The following FOXN3 variants were observed in gnomAD, a reference collection of about 807,000 sequenced individuals.
FOXN3 encodes the protein forkhead box protein N3.
Under a neutral mutation model 38.4 loss-of-function variants are expected in FOXN3, and 7 were observed. The observed-to-expected ratio is 0.18, with a 90% CI of 0.10 to 0.34. The LOEUF (loss-of-function observed/expected upper bound fraction) is 0.34, where lower values mean the gene tolerates loss of function less well. FOXN3 is among the 10% of genes least tolerant of loss of function. The pLI, the probability that FOXN3 is intolerant of heterozygous loss-of-function variation, is 1.00. For missense variants in FOXN3, 456 were observed against 613.4 expected (o/e 0.74, Z 2.71); for synonymous variants, 230 against 242.2 (o/e 0.95, Z 0.47).
At chr14:89,212,376 T>C (rs1050324098) in intron 4 of FOXN3, among the ~76,000 whole-genome samples, 16 of 152,186 alleles carry the variant, frequency 1.1e-4, no homozygotes, top group Non-Finnish European at 2.4e-4. Flanking sequence ...GGGGGTAAAT[T>C]CAGTTCTGCC....
chr14:89,511,899 C>G (rs1439857756), intron 1 of FOXN3, among the ~76,000 whole-genome samples: 2 of 152,110 alleles, frequency 1.3e-5, no homozygotes, highest in African/African-American at 2.4e-5. Flanking sequence ...CTTATAAAAC[C>G]ATCAGATCTC....
chr14:89,459,716 T>C (rs1380944413), intron 1 of FOXN3, among the ~76,000 whole-genome samples: 1 of 152,164 alleles, frequency 6.6e-6, no homozygotes, highest in Non-Finnish European at 1.5e-5. Context: ...TGGCTTCCCC[T>C]GTCTTTGTGA....
intron 2 of FOXN3, among the ~76,000 whole-genome samples, chr14:89,384,877 A>G (rs1025169507): frequency 2.0e-5 from 3 of 152,184 alleles, no homozygotes; most frequent in Non-Finnish European, 4.4e-5. Flanking sequence ...TGGCTCTCTG[A>G]ACTGGAGCTA....
intron 1 of FOXN3, among the ~76,000 whole-genome samples, chr14:89,458,077 T>TGTC (rs1892765264): frequency 6.7e-6 from 1 of 149,920 alleles, no homozygotes; most frequent in Admixed American, 6.6e-5. Context: ...GAGAGTGCTG[T>TGTC]GTCTCACCTG....
intron 1 of FOXN3, among the ~76,000 whole-genome samples, chr14:89,596,606 G>A (rs1213841270): frequency 6.6e-6 from 1 of 152,012 alleles, no homozygotes; most frequent in African/African-American, 2.4e-5. Flanking sequence ...GAAAATATGT[G>A]TTATTTCTTC....
intron 1 of FOXN3, among the ~76,000 whole-genome samples, chr14:89,574,120 C>A (rs1895550063): frequency 6.6e-6 from 1 of 152,176 alleles, no homozygotes; most frequent in Admixed American, 6.5e-5. Context: ...AGGGAATTAT[C>A]TCCATGGCCA....
In FOXN3 at chr14:89,204,834, T is replaced by TCATG. The variant is rs998669509; in HGVS notation, c.746-24032_746-24029dup. On this transcript the variant is annotated intron_variant, in intron 4 of 5. Coordinates refer to ENST00000557258, the MANE Select transcript of FOXN3 (RefSeq NM_005197.4). ...TCCATCCATCCATCCATCCATGCAT[T>TCATG]CATGCATCCATCCATCCATCCATCC... 1.3e-4 allele frequency among the ~76,000 whole-genome samples: 19 copies of TCATG among 145,098 alleles called. No individual in the cohort carries two copies. In the South Asian group the frequency reaches 3.6e-3, roughly 28 times the overall value.
chr14:89,610,780 T>G (rs146243162), intron 1 of FOXN3, among the ~76,000 whole-genome samples: 100 of 152,362 alleles, frequency 6.6e-4, no homozygotes, highest in African/African-American at 2.2e-3. Context: ...GTTCCTGGTA[T>G]GCAGTAGGTG....
chr14:89,384,225 C>T (rs1292616245), intron 2 of FOXN3, among the ~76,000 whole-genome samples: 2 of 152,238 alleles, frequency 1.3e-5, no homozygotes, highest in African/African-American at 2.4e-5. Context: ...CTGTGGCCAG[C>T]GATGGATGGC....
At chr14:89,343,049 T>C (rs1888658832) in intron 3 of FOXN3, among the ~76,000 whole-genome samples, 1 of 152,200 alleles carries the variant, frequency 6.6e-6, no homozygotes, top group Non-Finnish European at 1.5e-5. Context: ...CAATGTAAGT[T>C]AAAACTGATT....
chr14:89,342,327 G>T (rs1168140414), intron 3 of FOXN3, among the ~76,000 whole-genome samples: 1 of 152,176 alleles, frequency 6.6e-6, no homozygotes, highest in East Asian at 1.9e-4. Context: ...GATACAAAGT[G>T]CTCAAAGATA....
At chr14:89,408,175 C>A (rs1167581589) in intron 2 of FOXN3, among the ~76,000 whole-genome samples, 2 of 152,166 alleles carry the variant, frequency 1.3e-5, no homozygotes, top group Admixed American at 6.5e-5. Flanking sequence ...TGGCTCCATG[C>A]TGGAAACACC....
In FOXN3 at chr14:89,322,569, T is replaced by C. The variant is rs145511130; in HGVS notation, c.680+28103A>G. Reference sequence around the variant, plus strand: ...AGAACAGAGAAAAGAGGGAGCAACATGGTGGCATAGTCAAAAAATGAAGGA... The same window carrying C: ...AGAACAGAGAAAAGAGGGAGCAACACGGTGGCATAGTCAAAAAATGAAGGA... On this transcript the variant is annotated intron_variant, in intron 3 of 5. Transcript: ENST00000557258. 2.8e-3 allele frequency among the ~76,000 whole-genome samples: 422 copies of C among 152,070 alleles called. 2 individuals are homozygous for C. Among genetic ancestry groups the C allele is most frequent in the African/African-American group, 7.8e-3 (324 of 41,500 alleles).
At chr14:89,597,247 T>C (rs1371464007) in intron 1 of FOXN3, among the ~76,000 whole-genome samples, 5 of 152,186 alleles carry the variant, frequency 3.3e-5, no homozygotes, top group African/African-American at 4.8e-5. Flanking sequence ...TCTAAACATA[T>C]GGGGATTTTT....
intron 1 of FOXN3, among the ~76,000 whole-genome samples, chr14:89,536,949 A>T (rs561200379): frequency 1.8e-4 from 27 of 152,290 alleles, no homozygotes; most frequent in African/African-American, 6.5e-4. Flanking sequence ...TTATCATGGC[A>T]TGACCCCTTG....
intron 1 of FOXN3, among the ~76,000 whole-genome samples, chr14:89,601,883 C>G (rs1896160807): frequency 6.6e-6 from 1 of 152,042 alleles, no homozygotes; most frequent in South Asian, 2.1e-4. Flanking sequence ...ACAAATATTT[C>G]CAGGTAGAGT....
chr14:89,615,781 A>G (rs1896483075), intron 1 of FOXN3, among the ~76,000 whole-genome samples: 1 of 152,242 alleles, frequency 6.6e-6, no homozygotes, highest in African/African-American at 2.4e-5. Context: ...CATATATTTC[A>G]TAATCCCATG....
chr14:89,306,334 GCACACA>G (rs33940446), intron 3 of FOXN3, among the ~76,000 whole-genome samples: 1 of 146,762 alleles, frequency 6.8e-6, no homozygotes, highest in Non-Finnish European at 1.5e-5. Context: ...ACAGACGCAT[GCACACA>G]CACACACACA....
At chr14:89,251,171 T>A (rs1174503348) in intron 4 of FOXN3, among the ~76,000 whole-genome samples, 1 of 152,194 alleles carries the variant, frequency 6.6e-6, no homozygotes, top group Non-Finnish European at 1.5e-5. Flanking sequence ...ACTGGTGCCT[T>A]AGAAGGTGGC....
Sources: allele counts gnomAD v4.1 joint callset (sites outside exome capture counted in the v4.1 genomes callset), GRCh38; gene constraint gnomAD v4.1.1; transcripts MANE v1.5; gene names NCBI Gene and HGNC (gene_info 2026-07-23, HGNC 2026-07-21).